The following HDAC9 variants were observed in gnomAD, a reference collection of about 807,000 sequenced individuals.
HDAC9 encodes MEF-2 interacting transcription repressor (MITR) protein.
HDAC9 carries 41 observed loss-of-function variants against 139.4 expected under a neutral mutation model. The observed-to-expected ratio is 0.29, with a 90% CI of 0.23 to 0.38. The LOEUF is 0.38. Ranked by LOEUF, HDAC9 falls within the 10% of genes least tolerant of loss-of-function variation. HDAC9 has a pLI of 1.00. For missense variants in HDAC9, 1,147 were observed against 1,297.0 expected (o/e 0.88, Z 1.78); for synonymous variants, 517 against 476.2 (o/e 1.09, Z -1.12).
chr7:18,651,239 T>G (rs1447739930), intron 11 of HDAC9, among the ~76,000 whole-genome samples: 1 of 152,178 alleles, frequency 6.6e-6, no homozygotes, highest in East Asian at 1.9e-4. Context: ...CCACAGAAAT[T>G]TTATCATTTT....
chr7:18,547,274 T>C (rs949100971), intron 2 of HDAC9, among the ~76,000 whole-genome samples: 1 of 152,172 alleles, frequency 6.6e-6, no homozygotes. Context: ...CTCGCTCTGT[T>C]GCCCAGGCTG....
At chr7:18,386,872 C>G (rs1785985390) in intron 1 of HDAC9, among the ~76,000 whole-genome samples, 1 of 152,174 alleles carries the variant, frequency 6.6e-6, no homozygotes, top group Non-Finnish European at 1.5e-5. Flanking sequence ...ACCACATGGC[C>G]AAATTCATTC....
chr7:18,700,347 T>A (rs1783375431), intron 12 of HDAC9, among the ~76,000 whole-genome samples: 1 of 152,200 alleles, frequency 6.6e-6, no homozygotes, highest in South Asian at 2.1e-4. Context: ...CTTTAACCCC[T>A]CACTGCCCCC....
intron 1 of HDAC9, among the ~76,000 whole-genome samples, chr7:18,486,079 A>T (rs969023393): frequency 1.3e-5 from 2 of 152,166 alleles, no homozygotes; most frequent in Non-Finnish European, 2.9e-5. Flanking sequence ...GAAGGGCAAG[A>T]GAGCATGAGA....
chr7:18,828,211 G>A (rs1267206487), intron 17 of HDAC9, among the ~76,000 whole-genome samples: 1 of 152,026 alleles, frequency 6.6e-6, no homozygotes, highest in African/African-American at 2.4e-5. Flanking sequence ...AAGTCTTTGG[G>A]GTAGGTTGAA....
chr7:18,139,405 G>A (rs964511997), intron 1 of HDAC9, among the ~76,000 whole-genome samples: 2 of 152,136 alleles, frequency 1.3e-5, no homozygotes, highest in East Asian at 1.9e-4. Context: ...GGGACTACAG[G>A]TGTGAGCCAC....
chr7:18,173,527 G>A (rs762757840), intron 2 of HDAC9, among the ~76,000 whole-genome samples: 137 of 152,310 alleles, frequency 9.0e-4, no homozygotes, highest in Middle Eastern at 3.4e-3. Flanking sequence ...CCAGTTAGTT[G>A]ATGCAGTTTC....
intron 17 of HDAC9, among the ~76,000 whole-genome samples, chr7:18,821,450 C>A (rs888784801): frequency 6.6e-6 from 1 of 152,134 alleles, no homozygotes; most frequent in East Asian, 1.9e-4. Context: ...GAACTAGGAG[C>A]ATAGGCAGAG....
intron 2 of HDAC9, among the ~76,000 whole-genome samples, chr7:18,210,110 A>T (rs1791833121): frequency 6.6e-6 from 1 of 152,202 alleles, no homozygotes; most frequent in Non-Finnish European, 1.5e-5. Flanking sequence ...AATAATAAAG[A>T]AAGTGAAGCA....
In HDAC9 at chr7:18,891,895, A is replaced by G. The variant is rs373917108; in HGVS notation, c.2803+17299A>G. 4.6e-5 allele frequency among the ~76,000 whole-genome samples: 7 copies of G among 152,178 alleles called. No individual in the cohort carries two copies. In the East Asian group the frequency reaches 5.8e-4, roughly 13 times the overall value. ...GATTCATTCCCTCTGGGGGTGATCT[A>G]TTTGATTAGATCCAGCTTATCTATT... On this transcript the variant is annotated intron_variant, in intron 22 of 25. Coordinates refer to ENST00000686413, the MANE Select transcript of HDAC9 (RefSeq NM_178425.4).
At chr7:18,822,141 C>G (rs1439011566) in intron 17 of HDAC9, among the ~76,000 whole-genome samples, 1 of 152,154 alleles carries the variant, frequency 6.6e-6, no homozygotes, top group Admixed American at 6.6e-5. Flanking sequence ...ATAATCAACT[C>G]TACCTCCAGC....
At chr7:18,273,011 T>TTCC (rs1218579083) in intron 2 of HDAC9, among the ~76,000 whole-genome samples, 3 of 147,880 alleles carry the variant, frequency 2.0e-5, no homozygotes, top group African/African-American at 7.5e-5. Flanking sequence ...CTTCTTCTTC[T>TTCC]TCCTCCTCCT....
At chr7:18,356,851 C>G (rs1447190031) in intron 1 of HDAC9, among the ~76,000 whole-genome samples, 1 of 152,072 alleles carries the variant, frequency 6.6e-6, no homozygotes, top group Non-Finnish European at 1.5e-5. Flanking sequence ...GATTTAAAAT[C>G]TATAAGAATT....
chr7:18,437,965 A>T (rs1379114636), intron 1 of HDAC9, among the ~76,000 whole-genome samples: 2 of 150,802 alleles, frequency 1.3e-5, no homozygotes, highest in African/African-American at 2.4e-5. Flanking sequence ...ACACACACAG[A>T]CACACACACA....
At chr7:18,294,416 C>T (rs558160812) in intron 1 of HDAC9, among the ~76,000 whole-genome samples, 4 of 151,872 alleles carry the variant, frequency 2.6e-5, no homozygotes, top group Non-Finnish European at 5.9e-5. Flanking sequence ...ATTTATATAG[C>T]GTATCCTATA....
rs1037123344 is a variant in HDAC9, at chr7:18,631,562, C to T, written c.796+2081C>T. Among the ~76,000 whole-genome samples, 8 of 152,028 alleles carry T rather than the reference C, an allele frequency of 5.3e-5. No individual in the cohort carries two copies. The East Asian group carries it at 1.5e-3, about 29-fold the overall frequency. ...GTTCAGTTGCTTTTGCTGTTATCCT[C>T]TTACCTCTATGTCTTTTCTCTCTTC... On this transcript the variant is annotated intron_variant, in intron 7 of 25. Transcript: ENST00000686413.
chr7:18,595,877 A>C (rs868448513), intron 6 of HDAC9, among the ~76,000 whole-genome samples: 13 of 152,260 alleles, frequency 8.5e-5, no homozygotes, highest in Middle Eastern at 3.4e-3. Context: ...CCATGCGAAC[A>C]GCTTAAGGTT....
chr7:18,229,004 A>T (rs555539468), intron 2 of HDAC9, among the ~76,000 whole-genome samples: 6 of 152,138 alleles, frequency 3.9e-5, no homozygotes, highest in South Asian at 2.1e-4. Context: ...GTGCAGTTTC[A>T]TGGGGCCCTC....
At chr7:18,110,743 G>A (rs1321339996) in intron 1 of HDAC9, among the ~76,000 whole-genome samples, 1 of 152,196 alleles carries the variant, frequency 6.6e-6, no homozygotes, top group African/African-American at 2.4e-5. Flanking sequence ...GTTGGAGTGA[G>A]GAAAGACGGG....
Sources: allele counts gnomAD v4.1 joint callset (sites outside exome capture counted in the v4.1 genomes callset), GRCh38; gene constraint gnomAD v4.1.1; transcripts MANE v1.5; gene names NCBI Gene and HGNC (gene_info 2026-07-23, HGNC 2026-07-21).